RBFOX1: variants seen among roughly 807,000 people sequenced by gnomAD.
The protein encoded by RBFOX1 is RNA binding fox-1 homolog 1, also known as RNA binding protein fox-1 homolog 1.
RBFOX1 carries 8 observed loss-of-function variants against 57.7 expected under a neutral mutation model. The observed-to-expected ratio is 0.14, with a 90% CI of 0.08 to 0.25. RBFOX1 has a LOEUF of 0.25. Among genes scored for constraint, RBFOX1 ranks in the 10% least tolerant of loss-of-function variants. The pLI is 1.00. For synonymous variants in RBFOX1, 326 were observed against 222.4 expected (o/e 1.47, Z -4.15); for missense variants, 611 against 548.5 (o/e 1.11, Z -1.14).
At chr16:7,538,065 C>T (rs1417569066) in intron 5 of RBFOX1, among the ~76,000 whole-genome samples, 8 of 152,236 alleles carry the variant, frequency 5.3e-5, no homozygotes, top group Admixed American at 2.6e-4. Flanking sequence ...TGGAGGTACC[C>T]GCAGAGTGAT....
intron 2 of RBFOX1, among the ~76,000 whole-genome samples, chr16:6,372,827 G>GAT: frequency 6.6e-6 from 1 of 151,864 alleles, no homozygotes; most frequent in East Asian, 1.9e-4. Flanking sequence ...CTGGATGGGA[G>GAT]GATGGTTGGT....
intron 4 of RBFOX1, among the ~76,000 whole-genome samples, chr16:5,979,031 C>A (rs771557933): frequency 4.6e-5 from 7 of 152,220 alleles, no homozygotes; most frequent in Non-Finnish European, 8.8e-5. Context: ...CTCGCCTTCT[C>A]CTCCATTTTT....
intron 3 of RBFOX1, among the ~76,000 whole-genome samples, chr16:6,972,111 C>T (rs1183874486): frequency 6.6e-6 from 1 of 152,158 alleles, no homozygotes; most frequent in Non-Finnish European, 1.5e-5. Flanking sequence ...AAAAAGCACA[C>T]AACATCTAAC....
intron 4 of RBFOX1, among the ~76,000 whole-genome samples, chr16:7,245,790 G>A (rs1402915629): frequency 6.6e-6 from 1 of 152,126 alleles, no homozygotes; most frequent in Non-Finnish European, 1.5e-5. Flanking sequence ...CATCAGTCTT[G>A]CATAGTGCTT....
chr16:6,859,169 A>ACG (rs1410864224), intron 3 of RBFOX1, among the ~76,000 whole-genome samples: 139 of 72,288 alleles, frequency 1.9e-3, no homozygotes, highest in African/African-American at 9.2e-3. Context: ...ATATACGTAT[A>ACG]TATATGTATA....
chr16:7,530,180 A>G (rs1344112365), intron 5 of RBFOX1, among the ~76,000 whole-genome samples: 2 of 152,152 alleles, frequency 1.3e-5, no homozygotes, highest in African/African-American at 4.8e-5. Flanking sequence ...AATGATGCTC[A>G]GGTTCAGAGA....
At chr16:7,594,337 A>T (rs1299265151) in intron 7 of RBFOX1, among the ~76,000 whole-genome samples, 1 of 152,216 alleles carries the variant, frequency 6.6e-6, no homozygotes, top group Admixed American at 6.5e-5. Context: ...GGAGCCAACA[A>T]GGATTATTTG....
intron 1 of RBFOX1, among the ~76,000 whole-genome samples, chr16:6,120,955 C>T (rs1278278577): frequency 2.0e-5 from 3 of 152,206 alleles, no homozygotes; most frequent in Non-Finnish European, 2.9e-5. Context: ...CTTGTTCTTC[C>T]TGCAGATTTA....
rs191998435 is a variant in RBFOX1 at position 6,066,113 on chromosome 16, G to T, written c.-127+46121G>T. 1.1e-3 allele frequency among the ~76,000 whole-genome samples: 171 copies of T among 151,972 alleles called. 3 individuals carry two copies. The East Asian group carries it at 0.028, about 25-fold the overall frequency. On this transcript the variant is annotated intron_variant, in intron 1 of 15. Coordinates refer to ENST00000550418, the MANE Select transcript of RBFOX1 (RefSeq NM_018723.4). ...GATTGAGACCCTGCTGGCCAACACGGTGAAACCCCCTCTCTACTAAAAACA... is the reference window on the plus strand; with the variant it reads ...GATTGAGACCCTGCTGGCCAACACGTTGAAACCCCCTCTCTACTAAAAACA...
intron 3 of RBFOX1, among the ~76,000 whole-genome samples, chr16:6,660,788 C>A (rs894179729): frequency 1.3e-5 from 2 of 152,104 alleles, no homozygotes; most frequent in Non-Finnish European, 2.9e-5. Context: ...GTATCCACAC[C>A]TACAGGCCTA....
intron 3 of RBFOX1, chr16:5,611,274 G>C (rs753017121): frequency 6.6e-6 from 1 of 152,174 alleles, no homozygotes; most frequent in Non-Finnish European, 1.5e-5. Flanking sequence ...ATGGACCCCA[G>C]GCTCCACTTA....
intron 1 of RBFOX1, among the ~76,000 whole-genome samples, chr16:5,330,858 T>G (rs2064735292): frequency 6.6e-6 from 1 of 152,172 alleles, no homozygotes; most frequent in Non-Finnish European, 1.5e-5. Context: ...TAAAAATTTC[T>G]CCATTGCCTG....
chr16:6,314,758 G>A (rs1363200082), intron 1 of RBFOX1, among the ~76,000 whole-genome samples: 3 of 152,180 alleles, frequency 2.0e-5, no homozygotes, highest in Non-Finnish European at 4.4e-5. Context: ...AGTTTGGGCT[G>A]TACTAGGGAT....
chr16:6,211,520 GC>G (rs1462288104), intron 1 of RBFOX1, among the ~76,000 whole-genome samples: 6 of 152,068 alleles, frequency 3.9e-5, no homozygotes, highest in Non-Finnish European at 5.9e-5. Context: ...GAGCCACCTC[GC>G]CCAGCCAATC....
intron 4 of RBFOX1, among the ~76,000 whole-genome samples, chr16:7,092,196 C>T (rs1551961): frequency 6.6e-6 from 1 of 151,996 alleles, no homozygotes; most frequent in Non-Finnish European, 1.5e-5. Context: ...ACAAGGTATA[C>T]CACTGTTTTA....
intron 3 of RBFOX1, among the ~76,000 whole-genome samples, chr16:6,775,381 C>T (rs938039896): frequency 6.1e-5 from 9 of 147,804 alleles, no homozygotes; most frequent in African/African-American, 2.2e-4. Context: ...AACAGACACA[C>T]CCAACTGTTA....
chr16:6,688,028 C>G (rs532530547), intron 3 of RBFOX1, among the ~76,000 whole-genome samples: 1 of 152,308 alleles, frequency 6.6e-6, no homozygotes, highest in South Asian at 2.1e-4. Context: ...TGCACCTCAC[C>G]TGTTGTATTA....
intron 12 of RBFOX1, among the ~76,000 whole-genome samples, chr16:7,662,002 C>A (rs893117924): frequency 2.0e-5 from 3 of 149,122 alleles, no homozygotes; most frequent in Non-Finnish European, 4.5e-5. Flanking sequence ...ACAAAACTGG[C>A]CATGGTGCAT....
At position 6,019,716 on chromosome 16, in the gene RBFOX1, G is replaced by A. The variant is rs2095030156; in HGVS notation, c.-403G>A. On this transcript the variant is annotated 5_prime_UTR_variant, in exon 1 of 16. Coordinates refer to ENST00000550418, the MANE Select transcript of RBFOX1 (RefSeq NM_018723.4). This position sits in a 1 kb window ranked among gnomAD's most constrained non-coding sequence, Gnocchi z 4.2. ...TCTTGCCCAGGCAGAGAGAGCAGGA[G>A]CGGACCGCGCGCCCGGGATTGAGAG... 7.3e-7 allele frequency: 1 copy of A among 1,373,120 alleles called. No homozygotes were observed. Among genetic ancestry groups the A allele is most frequent in the South Asian group, 1.7e-5 (1 of 59,600 alleles). 85.1% of individuals were successfully genotyped at this position (1,373,120 alleles called of 1,614,324 possible).
Sources: gnomAD v4.1 joint callset for allele counts (sites outside exome capture counted in the v4.1 genomes callset) on GRCh38, gnomAD v4.1.1 for gene constraint, Gnocchi (gnomAD v3.1) non-coding constraint, MANE v1.5 for transcripts, NCBI Gene and HGNC (gene_info 2026-07-23, HGNC 2026-07-21) for gene names.